PHF2: variants seen among roughly 807,000 people sequenced by gnomAD.
PHF2 encodes lysine-specific demethylase PHF2.
In PHF2, 27 loss-of-function variants were observed where a neutral mutation model predicts 120.5. That is an observed-to-expected ratio of 0.22 (90% confidence interval 0.17 to 0.31). The LOEUF is 0.31. Ranked by LOEUF, PHF2 falls within the 10% of genes least tolerant of loss-of-function variation. The probability of loss-of-function intolerance (pLI) is 1.00; values close to 1 mark genes in which losing one functional copy is unlikely to be tolerated. For synonymous variants in PHF2, 568 were observed against 592.5 expected (o/e 0.96, Z 0.60); for missense variants, 1,024 against 1,434.8 (o/e 0.71, Z 4.63).
rs1246369650 is a variant in PHF2 at position 93,649,250 on chromosome 9, T to C, written c.602+38T>C. ...ACCCTGGGGGTGTGGGGGCTGGGGTTGGGGCAGGGGCGCTGTGCCGTCCTT... is the reference window on the plus strand; with the variant it reads ...ACCCTGGGGGTGTGGGGGCTGGGGTCGGGGCAGGGGCGCTGTGCCGTCCTT... On this transcript the variant is annotated intron_variant, in intron 5 of 21. Coordinates refer to ENST00000359246, the MANE Select transcript of PHF2 (RefSeq NM_005392.4). 3 of 907,938 alleles carry C rather than the reference T, an allele frequency of 3.3e-6. No homozygotes were observed. In the African/African-American group the frequency reaches 5.2e-5, roughly 16 times the overall value. 56.2% of individuals were successfully genotyped at this position (907,938 alleles called of 1,614,324 possible).
chr9:93,625,468 CTTTTTTTTTTTTT>C (rs905164226), intron 1 of PHF2, among the ~76,000 whole-genome samples: 32 of 94,716 alleles, frequency 3.4e-4, no homozygotes, highest in African/African-American at 9.1e-4. Context: ...GTTTGAGTAC[CTTTTTTTTTTTTT>C]TTTTTTTTTT....
chr9:93,649,397 T>G (rs867847169), intron 5 of PHF2, among the ~76,000 whole-genome samples, 185 bp downstream of exon 5: 1 of 143,284 alleles, frequency 7.0e-6, no homozygotes, highest in Non-Finnish European at 1.5e-5. Flanking sequence ...TTTTTTTTTT[T>G]TATAAGACTG....
At chr9:93,637,274 T>C (rs1324690643) in intron 3 of PHF2, among the ~76,000 whole-genome samples, 1 of 152,258 alleles carries the variant, frequency 6.6e-6, no homozygotes, top group African/African-American at 2.4e-5. Context: ...AGGTGTTTTT[T>C]TCCTGGCTTC....
At chr9:93,649,309 C>G (rs1826317067) in intron 5 of PHF2, 97 bp downstream of exon 5, 3 of 940,908 alleles carry the variant, frequency 3.2e-6, no homozygotes, top group Non-Finnish European at 4.8e-6. Flanking sequence ...TCGAAGGTAT[C>G]AGAGTCTGGA....
intron 1 of PHF2, among the ~76,000 whole-genome samples, chr9:93,601,206 C>T (rs768889610): frequency 2.0e-5 from 3 of 152,216 alleles, no homozygotes; most frequent in Admixed American, 6.5e-5. Flanking sequence ...CTACTGAAAC[C>T]GTGCAGATTG....
chr9:93,601,645 G>A (rs566554222), intron 1 of PHF2, among the ~76,000 whole-genome samples: 10 of 152,194 alleles, frequency 6.6e-5, no homozygotes, highest in African/African-American at 2.2e-4. Flanking sequence ...ATCAGGGGAT[G>A]GCTCAGTGTG....
chr9:93,578,594 C>T (rs1391996967), intron 1 of PHF2, among the ~76,000 whole-genome samples: 2 of 152,208 alleles, frequency 1.3e-5, no homozygotes, highest in East Asian at 3.8e-4. Context: ...ACTCGGGGCC[C>T]AGAGTAGGGA....
At chr9:93,588,514 A>C (rs1297992755) in intron 1 of PHF2, among the ~76,000 whole-genome samples, 1 of 152,134 alleles carries the variant, frequency 6.6e-6, no homozygotes, top group East Asian at 1.9e-4. Flanking sequence ...GAGAGGCCCG[A>C]GTCTGTGGGA....
chr9:93,603,265 C>T (rs1825478495), intron 1 of PHF2, among the ~76,000 whole-genome samples: 1 of 152,184 alleles, frequency 6.6e-6, no homozygotes. Context: ...GGGTCAGAGG[C>T]ACTCGGATGG....
Position 93,679,259 on chromosome 9 carries a change from C to T in PHF2, c.*1583C>T. The T allele has an allele frequency of 2.2e-6, 1 of 456,024 alleles. No individual in the cohort carries two copies. Among genetic ancestry groups the T allele is most frequent in the South Asian group, 1.6e-5 (1 of 64,516 alleles). 28.2% of individuals were successfully genotyped at this position (456,024 alleles called of 1,614,324 possible). On this transcript the variant is annotated 3_prime_UTR_variant, in exon 22 of 22. Transcript: ENST00000359246. Reference sequence around the variant, plus strand: ...CCCACTTGTCCTGTTTGGAGGGACGCAGTCCCTAGGGCCCGAGACTGGGTG... The same window carrying T: ...CCCACTTGTCCTGTTTGGAGGGACGTAGTCCCTAGGGCCCGAGACTGGGTG...
intron 1 of PHF2, among the ~76,000 whole-genome samples, chr9:93,578,305 AG>A (rs1483130670): frequency 3.3e-5 from 5 of 152,146 alleles, no homozygotes; most frequent in Admixed American, 2.6e-4. Flanking sequence ...CCTTAGAGCA[AG>A]GGAGACTGAG....
rs1163080157 is a variant in PHF2 at position 93,677,757 on chromosome 9, G to A, written c.*81G>A. The A allele has an allele frequency of 1.1e-5, 12 of 1,043,968 alleles. No homozygotes were observed. Among genetic ancestry groups the A allele is most frequent in the African/African-American group, 6.4e-5 (4 of 62,918 alleles). The allele number at this position is 1,043,968 out of a possible 1,614,324, so 64.7% of individuals were successfully genotyped here. The stretch of plus-strand genomic sequence containing the variant: ...AACATCTGCCTCCCAGGAGGGTGCC[G>A]AGCTGCCTCACCAGGGAGGGCCTTG... On this transcript the variant is annotated 3_prime_UTR_variant, in exon 22 of 22. Coordinates refer to ENST00000359246, the MANE Select transcript of PHF2 (RefSeq NM_005392.4). This position sits in a 1 kb window ranked among gnomAD's most constrained non-coding sequence, Gnocchi z 4.4.
intron 3 of PHF2, among the ~76,000 whole-genome samples, chr9:93,642,461 T>C (rs7868191): frequency 6.6e-6 from 1 of 152,098 alleles, no homozygotes; most frequent in South Asian, 2.1e-4. Flanking sequence ...AAATACATAC[T>C]GTCTTGTCTG....
intron 1 of PHF2, among the ~76,000 whole-genome samples, chr9:93,613,542 TC>T (rs1825672542): frequency 1.7e-5 from 1 of 58,488 alleles, no homozygotes; most frequent in African/African-American, 6.7e-5. Context: ...AGATTGGGGT[TC>T]TTCTGATTTT....
chr9:93,619,205 G>A (rs574511435), intron 1 of PHF2, among the ~76,000 whole-genome samples: 26 of 152,134 alleles, frequency 1.7e-4, no homozygotes, highest in Middle Eastern at 6.8e-3. Context: ...GTGCCTTTAC[G>A]AGACCCCTGC....
intron 2 of PHF2, among the ~76,000 whole-genome samples, chr9:93,633,465 C>A (rs1021750236): frequency 3.3e-5 from 5 of 152,190 alleles, no homozygotes; most frequent in Admixed American, 1.3e-4. Flanking sequence ...TTTCCTCATC[C>A]CGCCCTGCCC....
chr9:93,645,595 C>T, intron 3 of PHF2, 34 bp from the exon 4 acceptor site: 1 of 1,529,128 alleles, frequency 6.5e-7, no homozygotes, highest in Non-Finnish European at 8.8e-7. Flanking sequence ...AGGCCTCGGG[C>T]CCAATGTGGC....
chr9:93,676,825 G>A lies in PHF2; in HGVS notation c.3064G>A (p.Ala1022Thr), dbSNP rs752199430. The change falls in exon 21 of 22, where the codon GCG (alanine) becomes ACG (threonine). Residue 1022 changes from alanine (A) to threonine (T), a missense_variant. Physicochemically the swap from Ala to Thr is moderately conservative, Grantham distance 58 (BLOSUM62 0). Transcript: ENST00000359246. ...PPPESHSSSLADHEYTAAGTF... is the reference protein window; with the variant it reads ...PPPESHSSSLTDHEYTAAGTF... Reference sequence around the variant, plus strand: ...GCCTGAGTCGCATAGCAGCAGCCTGGCGGACCATGAGTACACAGCCGCTGG... The same window carrying A: ...GCCTGAGTCGCATAGCAGCAGCCTGACGGACCATGAGTACACAGCCGCTGG... 4.5e-6 allele frequency: 7 copies of A among 1,557,042 alleles called. No individual in the cohort carries two copies. The highest frequency in any genetic ancestry group is 6.1e-6 in the Non-Finnish European group (7 of 1,150,144).
intron 1 of PHF2, among the ~76,000 whole-genome samples, chr9:93,586,703 T>C (rs950044154): frequency 3.3e-5 from 5 of 152,246 alleles, no homozygotes; most frequent in African/African-American, 1.2e-4. Context: ...CTGGGCTTGG[T>C]TCCTTGTTCA....
Sources: gnomAD v4.1 joint callset for allele counts (sites outside exome capture counted in the v4.1 genomes callset) on GRCh38, gnomAD v4.1.1 for gene constraint, Gnocchi (gnomAD v3.1) non-coding constraint, MANE v1.5 for transcripts, NCBI Gene and HGNC (gene_info 2026-07-23, HGNC 2026-07-21) for gene names.